The following ST3GAL5 variants were observed in gnomAD, a reference collection of about 807,000 sequenced individuals.
ST3GAL5 encodes ST3 beta-galactoside alpha-2,3-sialyltransferase 5.
A neutral mutation model predicts 46.1 loss-of-function variants in ST3GAL5; 25 were observed. The ratio of observed to expected loss-of-function variants is 0.54; its 90% CI spans 0.40 to 0.76. ST3GAL5 has a LOEUF of 0.76. Ranked by LOEUF, ST3GAL5 falls within the 30% of genes least tolerant of loss-of-function variation. The pLI, the probability that ST3GAL5 is intolerant of heterozygous loss-of-function variation, is 0.00. For missense variants in ST3GAL5, 431 were observed against 521.2 expected (o/e 0.83, Z 1.69); for synonymous variants, 182 against 192.7 (o/e 0.94, Z 0.46).
In ST3GAL5 at chr2:85,888,940, G is replaced by A; in HGVS notation, c.-35C>T. 3.1e-6 allele frequency: 4 copies of A among 1,302,532 alleles called. No homozygotes were observed. The highest frequency in any genetic ancestry group is 4.0e-5 in the South Asian group (2 of 49,662). 80.7% of individuals were successfully genotyped at this position (1,302,532 alleles called of 1,614,324 possible). ...GGGGCGCCGGCCGGCCGCCAGCCCG[G>A]TACCCCGCGCCCCCACCCGCCCCCA... is the stretch of plus-strand genomic sequence containing the variant. On this transcript the variant is annotated 5_prime_UTR_variant, in exon 1 of 7. Coordinates refer to ENST00000638572, the MANE Select transcript of ST3GAL5 (RefSeq NM_003896.4).
chr2:85,888,939 G>T lies in ST3GAL5; in HGVS notation c.-34C>A, dbSNP rs1573747867. ...GGGGGCGCCGGCCGGCCGCCAGCCC[G>T]GTACCCCGCGCCCCCACCCGCCCCC... On this transcript the variant is annotated 5_prime_UTR_variant, in exon 1 of 7. Transcript: ENST00000638572. 7.7e-7 allele frequency: 1 copy of T among 1,302,378 alleles called. No individual in the cohort carries two copies. The highest frequency in any genetic ancestry group is 9.8e-7 in the Non-Finnish European group (1 of 1,023,636). 80.7% of individuals were successfully genotyped at this position (1,302,378 alleles called of 1,614,324 possible). A position where few individuals can be genotyped will look rare whatever the true frequency, so the allele number is the denominator to read the frequency against.
chr2:85,852,636 T>C (rs2103992252), intron 3 of ST3GAL5, among the ~76,000 whole-genome samples: 1 of 152,266 alleles, frequency 6.6e-6, no homozygotes, highest in East Asian at 1.9e-4. Context: ...GGGAATGTGC[T>C]AAAGCGGGAT....
At chr2:85,860,602 G>A (rs571800908) in intron 3 of ST3GAL5, among the ~76,000 whole-genome samples, 2 of 152,266 alleles carry the variant, frequency 1.3e-5, no homozygotes, top group African/African-American at 2.4e-5. Flanking sequence ...GCCAGGCATG[G>A]TGGCTCATGT....
At chr2:85,874,393 G>A (rs1460529862) in intron 1 of ST3GAL5, among the ~76,000 whole-genome samples, 1 of 152,096 alleles carries the variant, frequency 6.6e-6, no homozygotes, top group Non-Finnish European at 1.5e-5. Context: ...GTTACTCTCA[G>A]AGCCCAGTTC....
intron 1 of ST3GAL5, among the ~76,000 whole-genome samples, chr2:85,877,288 T>G (rs1277742220): frequency 6.6e-6 from 1 of 152,242 alleles, no homozygotes; most frequent in African/African-American, 2.4e-5. Flanking sequence ...ATATATGTCA[T>G]TTTCTTATTT....
chr2:85,888,922 C>G lies in ST3GAL5; in HGVS notation c.-17G>C. 1 of 1,342,722 alleles carries G rather than the reference C, an allele frequency of 7.4e-7. No individual in the cohort carries two copies. Among genetic ancestry groups the G allele is most frequent in the Non-Finnish European group, 9.6e-7 (1 of 1,040,982 alleles). 83.2% of individuals were successfully genotyped at this position (1,342,722 alleles called of 1,614,324 possible). ...CGTCCGCATACTAATGAGGGGGCGC[C>G]GGCCGGCCGCCAGCCCGGTACCCCG... On this transcript the variant is annotated 5_prime_UTR_variant, in exon 1 of 7. Transcript: ENST00000638572.
intron 1 of ST3GAL5, chr2:85,867,903 AAGATGGCATTGCTTTAGCCTCCACAG>A: frequency 1.9e-6 from 1 of 539,756 alleles, no homozygotes; most frequent in South Asian, 1.8e-5. Context: ...ATTAGCATCC[AAGATGGCATTGCTTTAGCCTCCACAG>A]TATAAGAGTT....
chr2:85,851,169 C>G, intron 3 of ST3GAL5: 1 of 866,896 alleles, frequency 1.2e-6, no homozygotes, highest in East Asian at 9.0e-5. Context: ...CCTGCCTCCA[C>G]CTTCCAAAGT....
At chr2:85,870,209 T>C (rs946025165) in intron 1 of ST3GAL5, 3 of 470,904 alleles carry the variant, frequency 6.4e-6, no homozygotes, top group African/African-American at 6.0e-5. Context: ...AGAATGCAGA[T>C]TCCATGCAAG....
chr2:85,883,858 C>T (rs1687468886), intron 1 of ST3GAL5, among the ~76,000 whole-genome samples: 2 of 152,164 alleles, frequency 1.3e-5, no homozygotes, highest in Admixed American at 6.5e-5. Flanking sequence ...TCTCACGAAG[C>T]AGGACCAGTT....
intron 3 of ST3GAL5, chr2:85,850,610 C>T (rs186469636): frequency 4.0e-4 from 61 of 152,356 alleles, no homozygotes; most frequent in African/African-American, 1.4e-3. Flanking sequence ...ACCCTAGGCC[C>T]GAAGGTCATG....
At chr2:85,878,789 G>A (rs1375591961) in intron 1 of ST3GAL5, among the ~76,000 whole-genome samples, 1 of 152,194 alleles carries the variant, frequency 6.6e-6, no homozygotes, top group African/African-American at 2.4e-5. Context: ...CGCTGTGATA[G>A]AGGAGCTACA....
rs766995049 is a variant in ST3GAL5 at position 85,852,843 on chromosome 2, G to C, written c.319-4639C>G. On this transcript the variant is annotated intron_variant, in intron 3 of 6. Coordinates refer to ENST00000638572, the MANE Select transcript of ST3GAL5 (RefSeq NM_003896.4). ...GTTAAAGCATTTCTCCCTAGGTCGAGGCTTCAGTTTTCTTACCTCTAAGAT... is the reference window on the plus strand; with the variant it reads ...GTTAAAGCATTTCTCCCTAGGTCGACGCTTCAGTTTTCTTACCTCTAAGAT... 5 of 1,296,898 alleles carry C rather than the reference G, an allele frequency of 3.9e-6. No homozygotes were observed. The African/African-American group carries it at 7.6e-5, about 20-fold the overall frequency. 80.3% of individuals were successfully genotyped at this position (1,296,898 alleles called of 1,614,324 possible).
At chr2:85,849,195 T>C (rs1683173299) in intron 3 of ST3GAL5, 2 of 152,022 alleles carry the variant, frequency 1.3e-5, no homozygotes, top group African/African-American at 4.8e-5. Context: ...CTGGGCAACA[T>C]GGTGAGACCC....
At chr2:85,874,313 T>C (rs371023687) in intron 1 of ST3GAL5, among the ~76,000 whole-genome samples, 10 of 152,326 alleles carry the variant, frequency 6.6e-5, no homozygotes, top group African/African-American at 2.2e-4. Context: ...TCTAAAACTA[T>C]AATGTTCCCA....
At chr2:85,883,737 G>C (rs1283125208) in intron 1 of ST3GAL5, among the ~76,000 whole-genome samples, 1 of 152,174 alleles carries the variant, frequency 6.6e-6, no homozygotes, top group African/African-American at 2.4e-5. Context: ...TGCCACAGGG[G>C]GCTGCAATTT....
chr2:85,848,270 A>T (rs1413108203), intron 3 of ST3GAL5, 66 bp from the exon 4 acceptor site: 5 of 1,612,608 alleles, frequency 3.1e-6, no homozygotes, highest in Non-Finnish European at 4.2e-6. Context: ...ACTCTTCTAG[A>T]TGACAATTTG....
chr2:85,888,864 C>G lies in ST3GAL5; in HGVS notation c.42G>C (p.Leu14=). ...KAAGCAERRP[L]QPRTEAAAAP... ...CCGCCGCTGCCTCGGTCCGCGGCTG[C>G]AGGGGACGCCGCTCCGCGCAGCCCG... The change falls in exon 1 of 7, where the codon CTG becomes CTC. Residue 14 remains leucine (L), a synonymous_variant. Coordinates refer to ENST00000638572, the MANE Select transcript of ST3GAL5 (RefSeq NM_003896.4). The G allele has an allele frequency of 7.4e-7, 1 of 1,359,952 alleles. No homozygotes were observed. The highest frequency in any genetic ancestry group is 3.4e-5 in the East Asian group (1 of 29,816). The allele number at this position is 1,359,952 out of a possible 1,614,324, so 84.2% of individuals were successfully genotyped here. A position where few individuals can be genotyped will look rare whatever the true frequency, so the allele number is the denominator to read the frequency against.
chr2:85,869,947 C>T (rs918780428), intron 1 of ST3GAL5: 23 of 316,846 alleles, frequency 7.3e-5, no homozygotes, highest in Admixed American at 4.9e-4. Context: ...ATGGTGAGCG[C>T]GCACACACAC....
Sources: gnomAD v4.1 joint callset for allele counts (sites outside exome capture counted in the v4.1 genomes callset) on GRCh38, gnomAD v4.1.1 for gene constraint, MANE v1.5 for transcripts, NCBI Gene and HGNC (gene_info 2026-07-23, HGNC 2026-07-21) for gene names.